The following WDPCP variants were observed in gnomAD, a reference collection of about 807,000 sequenced individuals.
The protein encoded by WDPCP is WD repeat containing planar cell polarity effector.
Under a neutral mutation model 93.1 loss-of-function variants are expected in WDPCP, and 71 were observed. The observed-to-expected ratio is 0.76, with a 90% CI of 0.63 to 0.93. WDPCP has a LOEUF of 0.93. WDPCP is among the 40% of genes least tolerant of loss of function. WDPCP has a pLI of 0.00. For missense variants in WDPCP, 844 were observed against 887.4 expected (o/e 0.95, Z 0.62); for synonymous variants, 315 against 315.0 (o/e 1.00, Z 0.00).
chr2:63,231,212 C>T (rs528485094), intron 14 of WDPCP, among the ~76,000 whole-genome samples: 2 of 152,288 alleles, frequency 1.3e-5, no homozygotes, highest in Non-Finnish European at 2.9e-5. Flanking sequence ...GACAAACCCA[C>T]AGCCAGTGTC....
intron 2 of WDPCP, among the ~76,000 whole-genome samples, chr2:63,701,298 A>G (rs558072090): frequency 6.6e-6 from 1 of 152,334 alleles, no homozygotes; most frequent in South Asian, 2.1e-4. Context: ...AATCAAAATC[A>G]CAAAGAGATC....
intron 2 of WDPCP, among the ~76,000 whole-genome samples, chr2:63,810,063 G>A (rs1489289270): frequency 6.6e-6 from 1 of 152,072 alleles, no homozygotes; most frequent in African/African-American, 2.4e-5. Context: ...TCTATTTAGT[G>A]TAGACAAAAA....
intron 2 of WDPCP, among the ~76,000 whole-genome samples, chr2:63,736,641 G>A (rs1669643567): frequency 6.6e-6 from 1 of 152,152 alleles, no homozygotes; most frequent in African/African-American, 2.4e-5. Flanking sequence ...ATTCTGGCAG[G>A]AAAGGAGTGG....
intron 9 of WDPCP, among the ~76,000 whole-genome samples, chr2:63,433,282 G>A (rs1403495337): frequency 2.0e-5 from 3 of 152,194 alleles, no homozygotes; most frequent in Non-Finnish European, 4.4e-5. Context: ...GAAGTCTGAA[G>A]AGAGTAATTG....
chr2:63,508,821 CA>C (rs1164817951), intron 1 of WDPCP, among the ~76,000 whole-genome samples: 1 of 151,542 alleles, frequency 6.6e-6, no homozygotes, highest in Non-Finnish European at 1.5e-5. Context: ...CAACAAAGAT[CA>C]AAAAAGACAA....
At chr2:63,613,977 A>G (rs1709646006) in intron 3 of WDPCP, among the ~76,000 whole-genome samples, 1 of 152,170 alleles carries the variant, frequency 6.6e-6, no homozygotes, top group South Asian at 2.1e-4. Flanking sequence ...CAGACTTTTT[A>G]TTCATTTTTC....
intron 2 of WDPCP, among the ~76,000 whole-genome samples, chr2:63,768,212 T>C (rs1234428814): frequency 6.6e-6 from 1 of 152,110 alleles, no homozygotes; most frequent in Non-Finnish European, 1.5e-5. Flanking sequence ...TGTACTTTTG[T>C]TAAAAATCAA....
At chr2:63,321,202 A>G (rs962670037) in intron 12 of WDPCP, among the ~76,000 whole-genome samples, 2 of 152,254 alleles carry the variant, frequency 1.3e-5, no homozygotes, top group Non-Finnish European at 2.9e-5. Flanking sequence ...GCACACCTCA[A>G]TCAGCAAGAT....
intron 1 of WDPCP, among the ~76,000 whole-genome samples, chr2:63,562,623 G>A (rs1706713649): frequency 6.6e-6 from 1 of 152,112 alleles, no homozygotes; most frequent in Non-Finnish European, 1.5e-5. Flanking sequence ...ATTACTATGA[G>A]AATTGCCAAA....
At chr2:63,535,808 A>G (rs1313531441) in intron 1 of WDPCP, among the ~76,000 whole-genome samples, 2 of 152,240 alleles carry the variant, frequency 1.3e-5, no homozygotes, top group Non-Finnish European at 2.9e-5. Flanking sequence ...ATGGGCAAGG[A>G]CTTCATATCT....
At chr2:63,519,508 C>T (rs1702786029) in intron 1 of WDPCP, among the ~76,000 whole-genome samples, 1 of 152,198 alleles carries the variant, frequency 6.6e-6, no homozygotes, top group South Asian at 2.1e-4. Flanking sequence ...CATTAGTGAT[C>T]AGTAGTCTGG....
At chr2:63,165,200 A>G (rs77011875) in intron 15 of WDPCP, among the ~76,000 whole-genome samples, 19 of 152,326 alleles carry the variant, frequency 1.2e-4, no homozygotes, top group Non-Finnish European at 2.5e-4. Context: ...TTTCTTACGT[A>G]AAGTGAGTGT....
chr2:63,371,687 C>G (rs558593208), intron 12 of WDPCP, among the ~76,000 whole-genome samples: 21 of 152,092 alleles, frequency 1.4e-4, no homozygotes, highest in African/African-American at 5.1e-4. Flanking sequence ...AGCCTCCACT[C>G]CTCCAAAAAA....
intron 3 of WDPCP, chr2:63,599,570 G>T: frequency 4.6e-6 from 1 of 216,060 alleles, no homozygotes; most frequent in Non-Finnish European, 9.2e-6. Flanking sequence ...ATGTTCTCTT[G>T]TTACAGTGGT....
At chr2:63,590,196 T>C (rs1709156511), upstream of WDPCP, 1 of 152,328 alleles carries the variant, frequency 6.6e-6, no homozygotes, top group Admixed American at 6.5e-5. Context: ...GAGGTACTTA[T>C]TATCTGATAA....
chr2:63,404,182 G>A lies in WDPCP; in HGVS notation c.1301C>T (p.Ala434Val). 1.2e-6 allele frequency: 2 copies of A among 1,614,036 alleles called. No individual in the cohort carries two copies. Among genetic ancestry groups the A allele is most frequent in the Non-Finnish European group, 1.7e-6 (2 of 1,179,970 alleles). The part of the protein sequence containing the change: ...ETLQFSKLFD[A>V]SSSLVQMQWI... ...TTGCATTTGAACAAGACTGCTGGAGGCATCAAATAATTTACTGAATTGCAG... is the reference window on the plus strand; with the variant it reads ...TTGCATTTGAACAAGACTGCTGGAGACATCAAATAATTTACTGAATTGCAG... The change falls in exon 10 of 18, where the codon GCC becomes GTC. Residue 434 changes from alanine (A) to valine (V), a missense_variant. Physicochemically the swap from Ala to Val is moderately conservative, Grantham distance 64. Transcript: ENST00000272321.
chr2:63,313,867 T>C (rs1278308594), intron 12 of WDPCP, among the ~76,000 whole-genome samples: 1 of 45,414 alleles, frequency 2.2e-5, no homozygotes, highest in Non-Finnish European at 5.0e-5. Context: ...TATATATATA[T>C]ATATATATAT....
intron 6 of WDPCP, among the ~76,000 whole-genome samples, chr2:63,458,616 A>G (rs980575815): frequency 3.9e-5 from 6 of 152,172 alleles, no homozygotes; most frequent in Admixed American, 1.3e-4. Flanking sequence ...AAAAGAAAAT[A>G]CCATGCTCAT....
intron 2 of WDPCP, among the ~76,000 whole-genome samples, chr2:63,673,390 G>T (rs146029742): frequency 6.6e-6 from 1 of 152,284 alleles, no homozygotes; most frequent in East Asian, 1.9e-4. Context: ...TGAAAGGAGA[G>T]AGAGAAGGAA....
Sources: gnomAD v4.1 joint callset for allele counts (sites outside exome capture counted in the v4.1 genomes callset) on GRCh38, gnomAD v4.1.1 for gene constraint, MANE v1.5 for transcripts, NCBI Gene and HGNC (gene_info 2026-07-23, HGNC 2026-07-21) for gene names.